CNTN6: variants seen among roughly 807,000 people sequenced by gnomAD.
CNTN6 encodes contactin-6.
A neutral mutation model predicts 122.8 loss-of-function variants in CNTN6; 137 were observed. That is an observed-to-expected ratio of 1.12 (90% confidence interval 0.97 to 1.29). The LOEUF is 1.29. CNTN6 is among the 50% of genes most tolerant of loss of function. The pLI, the probability that CNTN6 is intolerant of heterozygous loss-of-function variation, is 0.00. For missense variants in CNTN6, 1,634 were observed against 1,223.4 expected (o/e 1.34, Z -5.01); for synonymous variants, 570 against 426.0 (o/e 1.34, Z -4.16).
intron 1 of CNTN6, among the ~76,000 whole-genome samples, chr3:1,123,631 C>T (rs2092046451): frequency 6.6e-6 from 1 of 151,886 alleles, no homozygotes; most frequent in South Asian, 2.1e-4. Context: ...TGCAAATGGA[C>T]ATGGTTTTGT....
At chr3:1,326,145 AG>A (rs1246089605) in intron 9 of CNTN6, among the ~76,000 whole-genome samples, 194 bp downstream of exon 9, 1 of 151,864 alleles carries the variant, frequency 6.6e-6, no homozygotes, top group Non-Finnish European at 1.5e-5. Context: ...GAGAAAAATA[AG>A]TGTAGACAAG....
chr3:1,310,727 C>T (rs563648578), intron 7 of CNTN6, among the ~76,000 whole-genome samples: 15 of 152,190 alleles, frequency 9.9e-5, no homozygotes, highest in South Asian at 6.2e-4. Flanking sequence ...AGAGGCCAGG[C>T]GCAGTGGCTC....
chr3:1,314,135 G>C (rs1007797491), intron 7 of CNTN6, among the ~76,000 whole-genome samples: 1 of 151,982 alleles, frequency 6.6e-6, no homozygotes, highest in Non-Finnish European at 1.5e-5. Flanking sequence ...CTCTTTTTCC[G>C]TAACAGTGAG....
intron 12 of CNTN6, among the ~76,000 whole-genome samples, chr3:1,361,546 A>C (rs569131592): frequency 1.2e-4 from 18 of 152,248 alleles, no homozygotes; most frequent in Middle Eastern, 3.4e-3. Flanking sequence ...AATTATACTT[A>C]TTTCTTTCTC....
intron 2 of CNTN6, among the ~76,000 whole-genome samples, chr3:1,178,735 G>C (rs1559464230): frequency 6.6e-6 from 1 of 152,130 alleles, no homozygotes; most frequent in Admixed American, 6.5e-5. Flanking sequence ...TCGTTAGTGT[G>C]GAAGTTTGAG....
chr3:1,177,432 G>C (rs2093471805), intron 2 of CNTN6, among the ~76,000 whole-genome samples: 1 of 152,172 alleles, frequency 6.6e-6, no homozygotes, highest in African/African-American at 2.4e-5. Flanking sequence ...GCAGTTAAAA[G>C]TAAGAAATTT....
At chr3:1,173,855 A>G (rs2093403319) in intron 2 of CNTN6, among the ~76,000 whole-genome samples, 1 of 151,898 alleles carries the variant, frequency 6.6e-6, no homozygotes, top group Non-Finnish European at 1.5e-5. Context: ...CCTGCACACC[A>G]GAGCAATGAT....
intron 1 of CNTN6, among the ~76,000 whole-genome samples, chr3:1,133,597 A>C (rs2092394780): frequency 6.6e-6 from 1 of 152,172 alleles, no homozygotes; most frequent in African/African-American, 2.4e-5. Context: ...CTCAGCTGTG[A>C]CTGCCCCCTC....
chr3:1,402,370 A>T lies in CNTN6; in HGVS notation c.2870A>T (p.Asn957Ile). Residue 957 changes from asparagine (N) to isoleucine (I), a missense_variant, in exon 22 of 23, where the codon AAT becomes ATT. Coordinates refer to ENST00000446702, the MANE Select transcript of CNTN6 (RefSeq NM_001289080.2). ...QSKTHILETN[N>I]TSAELLVPFE... ...AAAACTCATATTTTGGAAACAAACAATACATCAGCTGAGCTTCTGGTTCCA... is the reference window on the plus strand; with the variant it reads ...AAAACTCATATTTTGGAAACAAACATTACATCAGCTGAGCTTCTGGTTCCA... 6.2e-7 allele frequency: 1 copy of T among 1,612,286 alleles called. No individual in the cohort carries two copies. Among genetic ancestry groups the T allele is most frequent in the Non-Finnish European group, 8.5e-7 (1 of 1,178,932 alleles).
At chr3:1,332,495 A>AAAAGGAAGGAAGG (rs376354688) in intron 11 of CNTN6, among the ~76,000 whole-genome samples, 3 of 118,552 alleles carry the variant, frequency 2.5e-5, no homozygotes, top group African/African-American at 3.5e-5. Context: ...AGGAAGGAAA[A>AAAAGGAAGGAAGG]AAGGAAGGAA....
At chr3:1,333,817 T>G (rs1702661367) in intron 11 of CNTN6, among the ~76,000 whole-genome samples, 1 of 152,142 alleles carries the variant, frequency 6.6e-6, no homozygotes. Flanking sequence ...ATCACACAGC[T>G]AATAAGTGAA....
chr3:1,402,447 G>A lies in CNTN6; in HGVS notation c.2947G>A (p.Gly983Arg). 1 of 1,611,194 alleles carries A rather than the reference G, an allele frequency of 6.2e-7. No homozygotes were observed. Among genetic ancestry groups the A allele is most frequent in the Non-Finnish European group, 8.5e-7 (1 of 1,178,066 alleles). The change falls in exon 22 of 23, where the codon GGA (glycine) becomes AGA (arginine). Residue 983 changes from glycine (G) to arginine (R), a missense_variant. Physicochemically the swap from Gly to Arg is moderately radical, Grantham distance 125. Transcript: ENST00000446702. ...AAGAACAGTCAGTGATGGTGGAGAT[G>A]GAAGCAGCAGTGAGGAAATTAGGAT... Reference protein sequence around the residue: ...EIRTVSDGGDGSSSEEIRIPK... With the variant: ...EIRTVSDGGDRSSSEEIRIPK...
At chr3:1,270,666 G>T (rs374511336) in intron 4 of CNTN6, among the ~76,000 whole-genome samples, 13 of 152,172 alleles carry the variant, frequency 8.5e-5, no homozygotes, top group African/African-American at 3.1e-4. Context: ...ATTCTCAAAG[G>T]GGGGAAATAG....
chr3:1,281,799 C>T (rs925051932), intron 5 of CNTN6, among the ~76,000 whole-genome samples: 7 of 152,150 alleles, frequency 4.6e-5, no homozygotes, highest in African/African-American at 1.4e-4. Flanking sequence ...TCAACATAAA[C>T]AGTCAGCAAG....
chr3:1,310,135 G>C (rs1006433427), intron 7 of CNTN6, among the ~76,000 whole-genome samples: 3 of 151,862 alleles, frequency 2.0e-5, no homozygotes, highest in Non-Finnish European at 2.9e-5. Context: ...TATTGCACCA[G>C]CTAGGATTTC....
At chr3:1,119,545 C>A (rs2091872681) in intron 1 of CNTN6, among the ~76,000 whole-genome samples, 2 of 151,856 alleles carry the variant, frequency 1.3e-5, no homozygotes, top group Admixed American at 1.3e-4. Context: ...GTGTTGAACA[C>A]TGTTAGGCTA....
At chr3:1,281,064 C>G (rs1457678545) in intron 5 of CNTN6, among the ~76,000 whole-genome samples, 1 of 152,132 alleles carries the variant, frequency 6.6e-6, no homozygotes, top group Non-Finnish European at 1.5e-5. Context: ...AAGCTGAAGT[C>G]AGTTTCTTTA....
intron 11 of CNTN6, among the ~76,000 whole-genome samples, chr3:1,350,168 T>C (rs1156553677): frequency 6.6e-6 from 1 of 151,834 alleles, no homozygotes; most frequent in Admixed American, 6.6e-5. Flanking sequence ...TTGTACATGC[T>C]AGTCACTGTA....
rs1419322284 is a variant in CNTN6 at position 1,392,495 on chromosome 3, G to A, written c.2704+6698G>A. ...CATTACCATTCAGGACATAGGCATG[G>A]GCAAGGACTTCATGTCTAAAACACC... On this transcript the variant is annotated intron_variant, in intron 20 of 22. Transcript: ENST00000446702. Among the ~76,000 whole-genome samples, 4 of 151,636 alleles carry A rather than the reference G, an allele frequency of 2.6e-5. No individual in the cohort carries two copies. In the South Asian group the frequency reaches 8.4e-4, roughly 32 times the overall value.
Sources: gnomAD v4.1 joint callset for allele counts (sites outside exome capture counted in the v4.1 genomes callset) on GRCh38, gnomAD v4.1.1 for gene constraint, MANE v1.5 for transcripts, NCBI Gene and HGNC (gene_info 2026-07-23, HGNC 2026-07-21) for gene names.